The following ENOX1 variants were observed in gnomAD, a reference collection of about 807,000 sequenced individuals.
ENOX1 encodes candidate growth-related and time keeping constitutive hydroquinone (NADH) oxidase.
A neutral mutation model predicts 82.5 loss-of-function variants in ENOX1; 42 were observed. That is an observed-to-expected ratio of 0.51 (90% CI 0.40 to 0.66). The LOEUF is 0.66. Among genes scored for constraint, ENOX1 ranks in the 30% least tolerant of loss-of-function variants. ENOX1 has a pLI of 0.00. For synonymous variants in ENOX1, 271 were observed against 282.2 expected (o/e 0.96, Z 0.40); for missense variants, 608 against 811.6 (o/e 0.75, Z 3.05).
intron 1 of ENOX1, among the ~76,000 whole-genome samples, chr13:43,785,038 CTTTAACTG>C (rs1239453113): frequency 6.6e-6 from 1 of 152,230 alleles, no homozygotes; most frequent in Non-Finnish European, 1.5e-5. Context: ...TCCGAAAGCA[CTTTAACTG>C]TTTAACGCAT....
intron 2 of ENOX1, among the ~76,000 whole-genome samples, chr13:43,616,603 T>G (rs930096655): frequency 6.6e-6 from 1 of 152,148 alleles, no homozygotes; most frequent in Non-Finnish European, 1.5e-5. Context: ...AATTGACACA[T>G]GACCTAGGAA....
chr13:43,447,632 C>G (rs113737679), intron 3 of ENOX1, among the ~76,000 whole-genome samples: 1,540 of 152,144 alleles, frequency 0.01, 26 homozygotes, highest in African/African-American at 0.034. Flanking sequence ...AAATCTGGGT[C>G]TGGCCAAGCA....
At chr13:43,759,886 T>C (rs1314896325) in intron 1 of ENOX1, among the ~76,000 whole-genome samples, 1 of 152,356 alleles carries the variant, frequency 6.6e-6, no homozygotes, top group African/African-American at 2.4e-5. Flanking sequence ...GCATCTTCTA[T>C]GTGTTAAGAC....
intron 1 of ENOX1, among the ~76,000 whole-genome samples, chr13:43,672,618 A>T (rs2085321766): frequency 6.6e-6 from 1 of 152,182 alleles, no homozygotes; most frequent in South Asian, 2.1e-4. Context: ...TTTTAAAGCA[A>T]TCCCTAGATA....
chr13:43,655,695 G>A (rs2084398173), intron 2 of ENOX1, among the ~76,000 whole-genome samples: 1 of 151,948 alleles, frequency 6.6e-6, no homozygotes, highest in African/African-American at 2.4e-5. Flanking sequence ...CCTCTTCCTG[G>A]CTGTGGTCTG....
intron 11 of ENOX1, among the ~76,000 whole-genome samples, chr13:43,304,159 G>C (rs1272109381): frequency 6.6e-6 from 1 of 152,182 alleles, no homozygotes; most frequent in Non-Finnish European, 1.5e-5. Context: ...GAAGATTTGG[G>C]CAAAAGGCAC....
intron 9 of ENOX1, among the ~76,000 whole-genome samples, chr13:43,338,477 T>C (rs1237152046): frequency 6.6e-6 from 1 of 151,932 alleles, no homozygotes; most frequent in Admixed American, 6.6e-5. Context: ...TGTTCCGAAT[T>C]TTTTTTTCTC....
At chr13:43,718,055 C>A (rs1373826376) in intron 1 of ENOX1, among the ~76,000 whole-genome samples, 6 of 152,170 alleles carry the variant, frequency 3.9e-5, no homozygotes, top group Admixed American at 2.6e-4. Context: ...GAAAATAATC[C>A]ATTCTATCAA....
chr13:43,744,002 A>AG (rs113910798), intron 1 of ENOX1, among the ~76,000 whole-genome samples: 14,203 of 152,200 alleles, frequency 0.093, 1,101 homozygotes, highest in African/African-American at 0.21. Flanking sequence ...TCCATCCATG[A>AG]GGGCAAAGCC....
At chr13:43,378,412 T>G (rs555512954) in intron 5 of ENOX1, among the ~76,000 whole-genome samples, 1 of 152,172 alleles carries the variant, frequency 6.6e-6, no homozygotes, top group Non-Finnish European at 1.5e-5. Context: ...AAGCAAGTCT[T>G]GAGTTGAGAA....
At chr13:43,470,255 T>TAC (rs1566304935) in intron 3 of ENOX1, among the ~76,000 whole-genome samples, 2 of 68,262 alleles carry the variant, frequency 2.9e-5, no homozygotes, top group African/African-American at 8.5e-5. Context: ...TATACATATA[T>TAC]ATATACATAT....
chr13:43,433,476 G>A (rs2055809636), intron 3 of ENOX1, among the ~76,000 whole-genome samples: 3 of 152,030 alleles, frequency 2.0e-5, no homozygotes, highest in Admixed American at 1.3e-4. Flanking sequence ...AACCATAGCA[G>A]ATATATGGGA....
chr13:43,321,379 T>A (rs900723438), intron 11 of ENOX1, among the ~76,000 whole-genome samples: 2 of 152,192 alleles, frequency 1.3e-5, no homozygotes, highest in African/African-American at 4.8e-5. Flanking sequence ...TAGAGCCCTT[T>A]CTCTATATGC....
intron 2 of ENOX1, chr13:43,543,913 C>CTTTTTTTTTTT (rs11324994): frequency 4.1e-5 from 4 of 97,422 alleles, no homozygotes; most frequent in Non-Finnish European, 8.1e-5. Context: ...TTTTCTTTTT[C>CTTTTTTTTTTT]TTTTTTTTTT....
chr13:43,501,777 A>G (rs1250886096), intron 2 of ENOX1, among the ~76,000 whole-genome samples: 1 of 132,192 alleles, frequency 7.6e-6, no homozygotes, highest in African/African-American at 2.5e-5. Flanking sequence ...TTTATAGTAT[A>G]AACACCTACC....
At position 43,515,083 on chromosome 13, in the gene ENOX1, G is replaced by C. The variant is rs137865185; in HGVS notation, c.-218-30931C>G. On this transcript the variant is annotated intron_variant, in intron 2 of 16. Transcript: ENST00000690772. Reference sequence around the variant, plus strand: ...ATTAACCCCACAGAAAGAAATGGATGCTCAGAGCATTAACTGATTTGTTCA... The same window carrying C: ...ATTAACCCCACAGAAAGAAATGGATCCTCAGAGCATTAACTGATTTGTTCA... 3.6e-4 allele frequency among the ~76,000 whole-genome samples: 55 copies of C among 152,264 alleles called. 1 individual carries two copies. The East Asian group carries it at 0.01, about 28-fold the overall frequency.
At chr13:43,672,039 A>C (rs893865928) in intron 1 of ENOX1, among the ~76,000 whole-genome samples, 6 of 152,184 alleles carry the variant, frequency 3.9e-5, no homozygotes, top group African/African-American at 1.4e-4. Context: ...CATTGACATC[A>C]TTGGACTGAG....
intron 3 of ENOX1, among the ~76,000 whole-genome samples, chr13:43,478,235 G>A (rs1281062398): frequency 6.6e-6 from 1 of 151,998 alleles, no homozygotes; most frequent in Non-Finnish European, 1.5e-5. Flanking sequence ...CAGACTCCGT[G>A]CATGAGGATT....
In ENOX1 at chr13:43,411,896, G is replaced by A. The variant is rs772927480; in HGVS notation, c.208+20C>T. On this transcript the variant is annotated intron_variant, in intron 5 of 16. Coordinates refer to ENST00000690772, the MANE Select transcript of ENOX1 (RefSeq NM_001347969.2). ...CTTCGGCACTGCTGCAAGCATCTCTGAAACCAGGAGAAAGCTTACCAGACA... is the reference window on the plus strand; with the variant it reads ...CTTCGGCACTGCTGCAAGCATCTCTAAAACCAGGAGAAAGCTTACCAGACA... 4 of 1,613,870 alleles carry A rather than the reference G, an allele frequency of 2.5e-6. No homozygotes were observed. Among genetic ancestry groups the A allele is most frequent in the Non-Finnish European group, 3.4e-6 (4 of 1,179,778 alleles).
Sources: gnomAD v4.1 joint callset for allele counts (sites outside exome capture counted in the v4.1 genomes callset) on GRCh38, gnomAD v4.1.1 for gene constraint, MANE v1.5 for transcripts, NCBI Gene and HGNC (gene_info 2026-07-23, HGNC 2026-07-21) for gene names.